REV3L: variants seen among roughly 807,000 people sequenced by gnomAD.
The protein encoded by REV3L is DNA polymerase zeta catalytic subunit.
In REV3L, 69 loss-of-function variants were observed where a neutral mutation model predicts 299.4. The ratio of observed to expected loss-of-function variants is 0.23; its 90% confidence interval spans 0.19 to 0.28. REV3L has a LOEUF of 0.28. Ranked by LOEUF, REV3L falls within the 10% of genes least tolerant of loss-of-function variation. The pLI is 1.00. For missense variants in REV3L, 3,128 were observed against 3,693.8 expected (o/e 0.85, Z 3.97); for synonymous variants, 1,238 against 1,271.4 (o/e 0.97, Z 0.56).
At chr6:111,332,552 A>T (rs978338862) in intron 23 of REV3L, among the ~76,000 whole-genome samples, 6 of 152,316 alleles carry the variant, frequency 3.9e-5, no homozygotes, top group Admixed American at 3.9e-4. Context: ...CTATGAAGGA[A>T]TATAGGATAT....
Position 111,331,681 on chromosome 6 carries a change from C to T in REV3L, c.8029G>A (p.Val2677Ile). Reference protein sequence around the residue: ...ITVSPNGVAFVKPSVRKGVLP... With the variant: ...ITVSPNGVAFIKPSVRKGVLP... ...CATTTACAAGAGAGTATTACCTTGA[C>T]AAAAGCTACTCCATTGGGGGACACT... is the stretch of plus-strand genomic sequence containing the variant. The change falls in exon 24 of 32, where the codon GTC (valine) becomes ATC (isoleucine). Residue 2677 changes from valine to isoleucine, a missense_variant. By Grantham distance (29) the Val-to-Ile change is conservative. Transcript: ENST00000368802. The T allele has an allele frequency of 6.2e-7, 1 of 1,605,748 alleles. No homozygotes were observed. Among genetic ancestry groups the T allele is most frequent in the Admixed American group, 1.7e-5 (1 of 59,662 alleles).
rs944777629 is a variant in REV3L, at chr6:111,311,169, C to T, written c.8695G>A (p.Glu2899Lys). The T allele has an allele frequency of 1.2e-6, 2 of 1,613,880 alleles. No homozygotes were observed. Among genetic ancestry groups the T allele is most frequent in the Non-Finnish European group, 1.7e-6 (2 of 1,179,920 alleles). ...AAGTCTTGTATGCTGGCCTTTCCTT[C>T]CAGAAGCTTCATACATTGTCGCTGA... The part of the protein sequence containing the change: ...YVQRQCMKLL[E>K]GKASIQDFIF... Residue 2899 changes from glutamate to lysine, a missense_variant, in exon 29 of 32, where the codon GAA becomes AAA. Coordinates refer to ENST00000368802, the MANE Select transcript of REV3L (RefSeq NM_001372078.1).
rs1233666640 is a variant in REV3L at position 111,377,862 on chromosome 6, C to G, written c.1455-19G>C. 1.3e-6 allele frequency: 2 copies of G among 1,596,292 alleles called. No homozygotes were observed. Among genetic ancestry groups the G allele is most frequent in the African/African-American group, 2.7e-5 (2 of 74,344 alleles). On this transcript the variant is annotated intron_variant, in intron 11 of 31. Transcript: ENST00000368802. ...CAGTGATCTGGAGAACATTAAAATT[C>G]ACTGGTGAGCATGATCATTAGTAAA...
intron 19 of REV3L, among the ~76,000 whole-genome samples, chr6:111,350,313 T>G (rs1354186145): frequency 1.3e-5 from 2 of 152,170 alleles, no homozygotes; most frequent in Non-Finnish European, 1.5e-5. Flanking sequence ...TTTAAAGAGA[T>G]AATGTTTAAA....
At chr6:111,342,775 C>T (rs1324480673) in intron 21 of REV3L, among the ~76,000 whole-genome samples, 4 of 151,840 alleles carry the variant, frequency 2.6e-5, no homozygotes, top group Non-Finnish European at 4.4e-5. Context: ...AAAGTGACAT[C>T]GGTCAACCAC....
At chr6:111,431,376 C>A in intron 1 of REV3L, 1 of 964,248 alleles carries the variant, frequency 1.0e-6, no homozygotes, top group South Asian at 1.3e-5. Flanking sequence ...TCAAGACAGG[C>A]TCATAGCGCT....
At chr6:111,459,502 A>G (rs7752361) in intron 1 of REV3L, among the ~76,000 whole-genome samples, 61,054 of 152,028 alleles carry the variant, frequency 0.4, 14,853 homozygotes, top group Non-Finnish European at 0.54. Context: ...AGAATGGGAG[A>G]AAAAATTCAG....
At chr6:111,420,719 G>T (rs1267915668) in intron 1 of REV3L, among the ~76,000 whole-genome samples, 2 of 152,184 alleles carry the variant, frequency 1.3e-5, no homozygotes, top group Non-Finnish European at 2.9e-5. Context: ...TTGACACCAT[G>T]GCAAAACTCT....
intron 7 of REV3L, 142 bp downstream of exon 7, chr6:111,388,964 C>A: frequency 1.7e-6 from 1 of 604,740 alleles, no homozygotes; most frequent in Non-Finnish European, 2.9e-6. Context: ...GGCTGTACAG[C>A]AATGACAACA....
chr6:111,299,295 TTTTTTA>T lies in REV3L; in HGVS notation c.*715_*720del, dbSNP rs1270807157. The T allele has an allele frequency of 6.6e-6, 1 of 152,534 alleles. No individual in the cohort carries two copies. The highest frequency in any genetic ancestry group is 1.5e-5 in the Non-Finnish European group (1 of 67,988). 9.4% of individuals were successfully genotyped at this position (152,534 alleles called of 1,614,324 possible). On this transcript the variant is annotated 3_prime_UTR_variant, in exon 32 of 32. Transcript: ENST00000368802. ...TACAAAACAAGCAAATGGAATAAAA[TTTTTTA>T]TTTTTAAAGTATTGCAACAGGCCCA...
At chr6:111,414,171 A>C (rs568911393) in intron 2 of REV3L, among the ~76,000 whole-genome samples, 2 of 152,158 alleles carry the variant, frequency 1.3e-5, no homozygotes, top group Non-Finnish European at 2.9e-5. Context: ...TAATGGGCTG[A>C]GATACAGAAT....
Position 111,331,679 on chromosome 6 carries a change from G to C in REV3L, c.8031C>G (p.Val2677=). 6.2e-7 allele frequency: 1 copy of C among 1,602,590 alleles called. No homozygotes were observed. The highest frequency in any genetic ancestry group is 8.5e-7 in the Non-Finnish European group (1 of 1,170,568). Residue 2677 remains valine, a synonymous_variant, in exon 24 of 32, where the codon GTC becomes GTG. Coordinates refer to ENST00000368802, the MANE Select transcript of REV3L (RefSeq NM_001372078.1). ...TTCATTTACAAGAGAGTATTACCTT[G>C]ACAAAAGCTACTCCATTGGGGGACA... ...ITVSPNGVAF[V]KPSVRKGVLP... is the part of the protein sequence containing the mutation.
chr6:111,333,809 C>A (rs1157476412), intron 22 of REV3L, among the ~76,000 whole-genome samples: 1 of 151,984 alleles, frequency 6.6e-6, no homozygotes, highest in Non-Finnish European at 1.5e-5. Context: ...CTTTCAGATG[C>A]GAAAAGGGAT....
intron 1 of REV3L, chr6:111,431,012 C>T (rs1182131405): frequency 1.3e-6 from 2 of 1,565,092 alleles, no homozygotes; most frequent in African/African-American, 1.4e-5. Context: ...AACAAAGTCA[C>T]TCCAGTGTTA....
intron 16 of REV3L, among the ~76,000 whole-genome samples, chr6:111,360,404 T>C (rs749487580): frequency 5.3e-5 from 8 of 152,118 alleles, no homozygotes; most frequent in Non-Finnish European, 1.2e-4. Context: ...CAAATTTTTT[T>C]GTCCTGATTG....
chr6:111,454,104 CTT>C (rs77126470), intron 1 of REV3L, among the ~76,000 whole-genome samples: 27 of 143,350 alleles, frequency 1.9e-4, no homozygotes, highest in African/African-American at 5.5e-4. Flanking sequence ...TAATTTCAAA[CTT>C]TTTTTTTTTT....
intron 16 of REV3L, 125 bp downstream of exon 16, chr6:111,363,728 T>G: frequency 1.2e-6 from 1 of 848,796 alleles, no homozygotes; most frequent in Non-Finnish European, 1.7e-6. Context: ...GAGAACAAGA[T>G]GAAGATTAAT....
At position 111,309,890 on chromosome 6, in the gene REV3L, C is replaced by T; in HGVS notation, c.9005G>A (p.Gly3002Asp). ...PPLARIFSLI[G>D]IDVFSWYHEL... is the part of the protein sequence containing the mutation. ...ATGATACCAGCTGAAGACATCAATACCAATAAGTGAGAAGATTCTTGCCAA... is the reference window on the plus strand; with the variant it reads ...ATGATACCAGCTGAAGACATCAATATCAATAAGTGAGAAGATTCTTGCCAA... Residue 3002 changes from glycine to aspartate, a missense_variant, in exon 30 of 32, where the codon GGT becomes GAT. This residue lies in a region of REV3L where 294 missense variants were observed against 377.0 expected (regional missense o/e 0.78). Transcript: ENST00000368802. 2 of 1,613,970 alleles carry T rather than the reference C, an allele frequency of 1.2e-6. No individual in the cohort carries two copies. Among genetic ancestry groups the T allele is most frequent in the Non-Finnish European group, 1.7e-6 (2 of 1,179,942 alleles).
At chr6:111,349,175 C>T (rs199837214) in intron 20 of REV3L, 43 bp downstream of exon 20, 112 of 985,234 alleles carry the variant, frequency 1.1e-4, no homozygotes, top group Middle Eastern at 4.2e-4. Context: ...TTATATTGAC[C>T]GAATATCTTA....
Sources: gnomAD v4.1 joint callset for allele counts (sites outside exome capture counted in the v4.1 genomes callset) on GRCh38, gnomAD v4.1.1 for gene constraint, gnomAD v4.1.1 regional missense constraint, MANE v1.5 for transcripts, NCBI Gene and HGNC (gene_info 2026-07-23, HGNC 2026-07-21) for gene names.